RGS7: variants seen among roughly 807,000 people sequenced by gnomAD.
RGS7 encodes the protein regulator of G-protein signaling 7.
Under a neutral mutation model 81.1 loss-of-function variants are expected in RGS7, and 27 were observed. The observed-to-expected ratio is 0.33, with a 90% CI of 0.25 to 0.46. The LOEUF (loss-of-function observed/expected upper bound fraction) is 0.46, where lower values mean the gene tolerates loss of function less well. RGS7 is among the 20% of genes least tolerant of loss of function. The pLI is 1.00. For synonymous variants in RGS7, 208 were observed against 207.7 expected, an observed-to-expected ratio of 1.00 and a Z score of -0.01; for missense variants, 396 against 607.4, an observed-to-expected ratio of 0.65 and a Z score of 3.66.
At chr1:241,322,334 T>C (rs1218529250) in intron 2 of RGS7, among the ~76,000 whole-genome samples, 1 of 152,224 alleles carries the variant, frequency 6.6e-6, no homozygotes. Flanking sequence ...CATCTCAGGA[T>C]TATTTCATTT....
chr1:241,018,389 TATACC>T (rs2059375874), intron 3 of RGS7, among the ~76,000 whole-genome samples: 1 of 152,142 alleles, frequency 6.6e-6, no homozygotes, highest in Non-Finnish European at 1.5e-5. Context: ...CTCAGGTAAA[TATACC>T]TTTAGTATGA....
intron 3 of RGS7, among the ~76,000 whole-genome samples, chr1:241,069,888 C>T (rs2062326987): frequency 1.3e-5 from 2 of 152,198 alleles, no homozygotes; most frequent in African/African-American, 4.8e-5. Flanking sequence ...TTCTATTTTA[C>T]TGGGTACCTT....
chr1:241,117,373 T>C (rs984931090), intron 2 of RGS7, among the ~76,000 whole-genome samples: 5 of 152,206 alleles, frequency 3.3e-5, no homozygotes, highest in Admixed American at 6.6e-5. Context: ...TCATTCATTC[T>C]ATATGGCAGT....
At chr1:240,967,452 G>A (rs897870271) in intron 4 of RGS7, among the ~76,000 whole-genome samples, 1 of 151,870 alleles carries the variant, frequency 6.6e-6, no homozygotes, top group Non-Finnish European at 1.5e-5. Context: ...ACAAAACCTT[G>A]TGAAAAGTTA....
chr1:240,865,380 G>A (rs545842708), intron 9 of RGS7, among the ~76,000 whole-genome samples: 1 of 152,312 alleles, frequency 6.6e-6, no homozygotes, highest in South Asian at 2.1e-4. Flanking sequence ...TCAGGCCCCA[G>A]GCCATACCAG....
rs117243896 is a variant in RGS7 at position 241,081,041 on chromosome 1, C to T, written c.175+17625G>A. Among the ~76,000 whole-genome samples the T allele has an allele frequency of 1.6e-4, 25 of 152,266 alleles. 1 individual carries two copies. The East Asian group carries it at 4.3e-3, about 26-fold the overall frequency. ...AGACCTTACGTGGTCTTATTGATCA[C>T]GGGAGCACACTGGAGCGGTGACTTT... On this transcript the variant is annotated intron_variant, in intron 3 of 18. Transcript: ENST00000440928.
At chr1:241,011,955 A>T (rs1331176036) in intron 3 of RGS7, among the ~76,000 whole-genome samples, 1 of 152,052 alleles carries the variant, frequency 6.6e-6, no homozygotes, top group Admixed American at 6.6e-5. Context: ...GCTGTTCTTT[A>T]TTAATAAAGC....
At chr1:241,075,125 C>T (rs1225293666) in intron 3 of RGS7, among the ~76,000 whole-genome samples, 1 of 152,072 alleles carries the variant, frequency 6.6e-6, no homozygotes, top group Non-Finnish European at 1.5e-5. Flanking sequence ...TTCTTAAATG[C>T]TTTTCAGCCT....
chr1:240,861,312 C>T (rs891266843), intron 9 of RGS7, among the ~76,000 whole-genome samples: 1 of 152,022 alleles, frequency 6.6e-6, no homozygotes, highest in African/African-American at 2.4e-5. Flanking sequence ...CATTTTTATC[C>T]GTGACGTCTT....
chr1:241,000,399 A>G (rs917317530), intron 3 of RGS7, among the ~76,000 whole-genome samples: 9 of 152,226 alleles, frequency 5.9e-5, no homozygotes, highest in African/African-American at 2.2e-4. Flanking sequence ...AAATGCATCA[A>G]AATTTTATAC....
intron 6 of RGS7, among the ~76,000 whole-genome samples, chr1:240,881,732 A>T (rs1041683713): frequency 2.6e-5 from 4 of 152,136 alleles, no homozygotes; most frequent in African/African-American, 9.7e-5. Flanking sequence ...TAATAAAAAC[A>T]ACTAGCAATA....
chr1:241,070,366 A>T (rs1331224597), intron 3 of RGS7, among the ~76,000 whole-genome samples: 1 of 149,326 alleles, frequency 6.7e-6, no homozygotes, highest in Admixed American at 6.7e-5. Context: ...TCATTCGATT[A>T]TGCTAAACAA....
intron 6 of RGS7, among the ~76,000 whole-genome samples, chr1:240,892,560 A>G (rs1479573287): frequency 6.6e-6 from 1 of 152,184 alleles, no homozygotes; most frequent in Non-Finnish European, 1.5e-5. Flanking sequence ...CTGTCTTCTT[A>G]CATATTTTAA....
At chr1:240,799,354 T>TG (rs1687650869) in intron 18 of RGS7, among the ~76,000 whole-genome samples, 1 of 110,976 alleles carries the variant, frequency 9.0e-6, no homozygotes. Context: ...TTCCAGTTGT[T>TG]TTTTTTTTTT....
intron 2 of RGS7, among the ~76,000 whole-genome samples, chr1:241,162,006 C>T (rs1260032799): frequency 6.6e-6 from 1 of 152,088 alleles, no homozygotes; most frequent in Non-Finnish European, 1.5e-5. Flanking sequence ...CTTGAGCCAC[C>T]GTGCCCGGCC....
intron 3 of RGS7, among the ~76,000 whole-genome samples, chr1:241,066,845 A>T (rs1436142056): frequency 2.6e-5 from 4 of 152,234 alleles, no homozygotes; most frequent in Non-Finnish European, 5.9e-5. Context: ...TATGTGAGGA[A>T]ATAAGATAGA....
chr1:240,981,113 T>C (rs1431736688), intron 4 of RGS7, among the ~76,000 whole-genome samples: 3 of 152,054 alleles, frequency 2.0e-5, no homozygotes, highest in African/African-American at 7.2e-5. Flanking sequence ...TTTTGTTTGT[T>C]TGTTTGTTTG....
chr1:240,961,723 T>C lies in RGS7; in HGVS notation c.226+21356A>G, dbSNP rs894055923. The stretch of plus-strand genomic sequence containing the variant: ...GTACCTTTCTGAGGACAACAGTTTA[T>C]AGGGGGAAGAACAGTTTCAAGGACA... On this transcript the variant is annotated intron_variant, in intron 4 of 18. Coordinates refer to ENST00000440928, the MANE Select transcript of RGS7 (RefSeq NM_001364886.1). Among the ~76,000 whole-genome samples the C allele has an allele frequency of 3.9e-5, 6 of 152,180 alleles. No homozygotes were observed. In the East Asian group the frequency reaches 7.7e-4, roughly 20 times the overall value.
intron 4 of RGS7, among the ~76,000 whole-genome samples, chr1:240,960,217 C>CTTTTTTTT (rs750366747): frequency 4.5e-4 from 4 of 8,956 alleles, no homozygotes; most frequent in Non-Finnish European, 3.9e-4. Context: ...TCTTCTTCTT[C>CTTTTTTTT]TTTTTTTTTT....
Sources: gnomAD v4.1 joint callset for allele counts (sites outside exome capture counted in the v4.1 genomes callset) on GRCh38, gnomAD v4.1.1 for gene constraint, MANE v1.5 for transcripts, NCBI Gene and HGNC (gene_info 2026-07-23, HGNC 2026-07-21) for gene names.